Variants in HS6ST3 observed in about 807,000 individuals in gnomAD.
The protein encoded by HS6ST3 is heparan sulfate 6-O-sulfotransferase 3.
Under a neutral mutation model 36.7 loss-of-function variants are expected in HS6ST3, and 12 were observed. The observed-to-expected ratio is 0.33, with a 90% confidence interval of 0.21 to 0.53. The LOEUF is 0.53. HS6ST3 is among the 20% of genes least tolerant of loss of function. The pLI is 0.95. For synonymous variants in HS6ST3, 240 were observed against 257.5 expected (o/e 0.93, Z 0.65); for missense variants, 584 against 640.9 (o/e 0.91, Z 0.96).
chr13:96,687,485 C>T (rs1413753589), intron 1 of HS6ST3, among the ~76,000 whole-genome samples: 1 of 151,962 alleles, frequency 6.6e-6, no homozygotes, highest in East Asian at 1.9e-4. Context: ...AACATGCTCA[C>T]AGTTGAGCTC....
At chr13:96,197,484 C>G (rs936152025) in intron 1 of HS6ST3, among the ~76,000 whole-genome samples, 1 of 152,152 alleles carries the variant, frequency 6.6e-6, no homozygotes, top group African/African-American at 2.4e-5. Context: ...CTCCAAATCT[C>G]ATGTCATCAT....
At chr13:96,378,404 C>T (rs1020475432) in intron 1 of HS6ST3, among the ~76,000 whole-genome samples, 5 of 152,102 alleles carry the variant, frequency 3.3e-5, no homozygotes, top group African/African-American at 4.8e-5. Context: ...TTTAGGGAAA[C>T]AATCTTAGAA....
intron 1 of HS6ST3, among the ~76,000 whole-genome samples, chr13:96,521,427 A>G (rs1200439097): frequency 2.0e-5 from 3 of 152,178 alleles, no homozygotes; most frequent in Non-Finnish European, 2.9e-5. Flanking sequence ...AAGGAATGGT[A>G]CCAGCTCCTC....
intron 1 of HS6ST3, among the ~76,000 whole-genome samples, chr13:96,189,487 C>T (rs1365731389): frequency 4.6e-5 from 7 of 151,876 alleles, no homozygotes; most frequent in Admixed American, 2.0e-4. Flanking sequence ...GGCTATCTCT[C>T]GACAGAGTTA....
chr13:96,158,177 T>G (rs1418305725), intron 1 of HS6ST3, among the ~76,000 whole-genome samples: 1 of 152,134 alleles, frequency 6.6e-6, no homozygotes, highest in Non-Finnish European at 1.5e-5. Context: ...TGTGGGCCAT[T>G]CCTGGGGGAG....
chr13:96,805,062 G>C (rs1878164232), intron 1 of HS6ST3, among the ~76,000 whole-genome samples: 1 of 152,150 alleles, frequency 6.6e-6, no homozygotes, highest in South Asian at 2.1e-4. Context: ...AGGTTATTTT[G>C]GACATACATA....
chr13:96,371,522 T>C (rs940202551), intron 1 of HS6ST3, among the ~76,000 whole-genome samples: 1 of 152,154 alleles, frequency 6.6e-6, no homozygotes. Flanking sequence ...ATATAATACA[T>C]AATTTTTAGC....
intron 1 of HS6ST3, among the ~76,000 whole-genome samples, chr13:96,700,762 A>G (rs1452160682): frequency 6.6e-6 from 1 of 152,160 alleles, no homozygotes. Flanking sequence ...CTCCAAAGAG[A>G]CTGCTTATCA....
intron 1 of HS6ST3, among the ~76,000 whole-genome samples, chr13:96,254,140 G>T (rs2054620299): frequency 6.6e-6 from 1 of 151,832 alleles, no homozygotes; most frequent in African/African-American, 2.4e-5. Context: ...TTCCAGCCGG[G>T]CGCGGTGGCT....
At chr13:96,563,054 A>G (rs1318940172) in intron 1 of HS6ST3, among the ~76,000 whole-genome samples, 1 of 152,078 alleles carries the variant, frequency 6.6e-6, no homozygotes, top group African/African-American at 2.4e-5. Flanking sequence ...AAAAAAAAAA[A>G]AAAAAGTCCA....
At chr13:96,758,805 A>T (rs557466674) in intron 1 of HS6ST3, among the ~76,000 whole-genome samples, 2 of 151,938 alleles carry the variant, frequency 1.3e-5, no homozygotes, top group South Asian at 4.1e-4. Context: ...TTCATTTTGC[A>T]TTTGAAACAA....
intron 1 of HS6ST3, among the ~76,000 whole-genome samples, chr13:96,319,608 TC>T (rs1046782387): frequency 6.6e-6 from 1 of 152,212 alleles, no homozygotes; most frequent in African/African-American, 2.4e-5. Flanking sequence ...TCCATTCCCA[TC>T]AGCAGTGTGT....
chr13:96,425,615 G>A (rs1038784328), intron 1 of HS6ST3, among the ~76,000 whole-genome samples: 3 of 151,024 alleles, frequency 2.0e-5, no homozygotes, highest in Non-Finnish European at 3.0e-5. Flanking sequence ...TAAACCTTCT[G>A]TGTGTGTGTG....
At chr13:96,362,591 G>A (rs2055243800) in intron 1 of HS6ST3, among the ~76,000 whole-genome samples, 1 of 152,072 alleles carries the variant, frequency 6.6e-6, no homozygotes, top group Non-Finnish European at 1.5e-5. Flanking sequence ...TCTCACTGGT[G>A]GAAGAGAAAG....
intron 1 of HS6ST3, among the ~76,000 whole-genome samples, chr13:96,259,890 C>A (rs2054655569): frequency 6.6e-6 from 1 of 151,688 alleles, no homozygotes; most frequent in Non-Finnish European, 1.5e-5. Flanking sequence ...AATTATATTT[C>A]TATTATAAAG....
chr13:96,651,844 TC>T (rs1426617424), intron 1 of HS6ST3, among the ~76,000 whole-genome samples: 1 of 152,064 alleles, frequency 6.6e-6, no homozygotes, highest in African/African-American at 2.4e-5. Flanking sequence ...CAGTACATGG[TC>T]CAATTATTTA....
intron 1 of HS6ST3, among the ~76,000 whole-genome samples, chr13:96,137,984 A>T (rs1040410771): frequency 6.6e-6 from 1 of 152,218 alleles, no homozygotes; most frequent in Admixed American, 6.5e-5. Flanking sequence ...TAGTTCCTGG[A>T]AAGTCTTCAG....
At chr13:96,369,886 C>T (rs1463944393) in intron 1 of HS6ST3, among the ~76,000 whole-genome samples, 12 of 149,204 alleles carry the variant, frequency 8.0e-5, no homozygotes, top group African/African-American at 1.7e-4. Flanking sequence ...GTTCTTTCTA[C>T]CATTTTTTTT....
intron 1 of HS6ST3, among the ~76,000 whole-genome samples, chr13:96,400,809 C>T (rs1241841937): frequency 2.0e-5 from 3 of 152,090 alleles, no homozygotes; most frequent in Non-Finnish European, 2.9e-5. Context: ...ACGTCTTAGT[C>T]GCTTTAACAT....
Sources: gnomAD v4.1 joint callset for allele counts (sites outside exome capture counted in the v4.1 genomes callset) on GRCh38, gnomAD v4.1.1 for gene constraint, MANE v1.5 for transcripts, NCBI Gene and HGNC (gene_info 2026-07-23, HGNC 2026-07-21) for gene names.